The following TMPRSS6 variants were observed in gnomAD, a reference collection of about 807,000 sequenced individuals.
TMPRSS6 encodes transmembrane serine protease 6.
A neutral mutation model predicts 101.5 loss-of-function variants in TMPRSS6; 67 were observed. The observed-to-expected ratio is 0.66, with a 90% CI of 0.54 to 0.81. The LOEUF (loss-of-function observed/expected upper bound fraction) is 0.81. Among genes scored for constraint, TMPRSS6 ranks in the 30% least tolerant of loss-of-function variants. TMPRSS6 has a pLI of 0.00. For synonymous variants in TMPRSS6, 453 were observed against 464.9 expected, an observed-to-expected ratio of 0.97 and a Z score of 0.33; for missense variants, 1,034 against 1,088.7, an observed-to-expected ratio of 0.95 and a Z score of 0.71.
chr22:37,084,906 T>C, intron 8 of TMPRSS6, 67 bp from the exon 9 acceptor site: 1 of 1,249,040 alleles, frequency 8.0e-7, no homozygotes. Context: ...CTGGCGCAGC[T>C]TGTAACCCCA....
chr22:37,098,646 A>C, intron 2 of TMPRSS6, 97 bp from the exon 3 acceptor site: 4 of 1,560,720 alleles, frequency 2.6e-6, no homozygotes, highest in Non-Finnish European at 3.5e-6. Flanking sequence ...CCCTCAGCTC[A>C]GCCTCAGTGT....
At chr22:37,106,275 T>G (rs1930709445) in intron 1 of TMPRSS6, among the ~76,000 whole-genome samples, 2 of 151,752 alleles carry the variant, frequency 1.3e-5, no homozygotes, top group South Asian at 4.2e-4. Flanking sequence ...CCCTACTACC[T>G]CTCAGATAAT....
Position 37,103,944 on chromosome 22 carries a change from T to A in TMPRSS6, c.-1-526A>T, listed in dbSNP as rs996377406. ...CTGGCACTGCGCTGGGCCGGGGACC[T>A]GCCTTCCTTCACAGAGTACCGTCTC... On this transcript the variant is annotated intron_variant, in intron 1 of 17. Transcript: ENST00000676104. This position sits in a 1 kb window ranked among gnomAD's most constrained non-coding sequence, Gnocchi z 4.4. 6.6e-6 allele frequency among the ~76,000 whole-genome samples: 1 copy of A among 152,206 alleles called. No individual in the cohort carries two copies. Among genetic ancestry groups the A allele is most frequent in the Non-Finnish European group, 1.5e-5 (1 of 68,018 alleles).
At position 37,070,995 on chromosome 22, in the gene TMPRSS6, G is replaced by A. The variant is rs1435449689; in HGVS notation, c.1593C>T (p.Asp531=). 6.2e-7 allele frequency: 1 copy of A among 1,613,068 alleles called. No homozygotes were observed. Among genetic ancestry groups the A allele is most frequent in the Non-Finnish European group, 8.5e-7 (1 of 1,179,908 alleles). ...PCGTFTFQCE[D]RSCVKKPNPQ... ...GGTTGGGCTTCTTCACGCAGCTCCG[G>A]TCCTCACACTGGAAGGTGAATGTCC... The change falls in exon 14 of 18, where the codon GAC becomes GAT. Residue 531 remains aspartate (D), a synonymous_variant. Coordinates refer to ENST00000676104, the MANE Select transcript of TMPRSS6 (RefSeq NM_001374504.1).
In TMPRSS6 at chr22:37,096,080, G is replaced by A; in HGVS notation, c.415C>T (p.Leu139Phe). The change falls in exon 5 of 18, where the codon CTC (leucine) becomes TTC (phenylalanine). Residue 139 changes from leucine (L) to phenylalanine (F), a missense_variant. Transcript: ENST00000676104. ...SSVYSFGEGP[L>F]TCFFWFILQI... The stretch of plus-strand genomic sequence containing the variant: ...AGAATGAACCAGAAGAAGCAGGTGA[G>A]GGGTCCCTCCCTAAGGCAGGCAGAA... 1 of 1,614,180 alleles carries A rather than the reference G, an allele frequency of 6.2e-7. No homozygotes were observed. Among genetic ancestry groups the A allele is most frequent in the Non-Finnish European group, 8.5e-7 (1 of 1,180,042 alleles).
At chr22:37,073,389 TGGATGAATGGACA>T in intron 13 of TMPRSS6, 130 bp downstream of exon 13, 1 of 619,824 alleles carries the variant, frequency 1.6e-6, no homozygotes, top group South Asian at 1.8e-5. Context: ...GATGGATGGA[TGGATGAATGGACA>T]GACATACAGA....
chr22:37,072,765 A>G (rs1368597548), intron 13 of TMPRSS6, among the ~76,000 whole-genome samples: 1 of 131,152 alleles, frequency 7.6e-6, no homozygotes, highest in African/African-American at 2.9e-5. Context: ...GGATAGATGG[A>G]TGATGGATGG....
Position 37,089,630 on chromosome 22 carries a change from G to C in TMPRSS6, c.784C>G (p.Arg262Gly). The C allele has an allele frequency of 2.5e-6, 4 of 1,612,364 alleles. No homozygotes were observed. Among genetic ancestry groups the C allele is most frequent in the Non-Finnish European group, 3.4e-6 (4 of 1,179,532 alleles). Reference protein sequence around the residue: ...LEWTLAECRDRLAMYDVAGPL... With the variant: ...LEWTLAECRDGLAMYDVAGPL... Reference sequence around the variant, plus strand: ...CCGGCCACGTCATACATGGCCAGTCGGTCCCGGCACTCTGCCAGCGTCCAC... The same window carrying C: ...CCGGCCACGTCATACATGGCCAGTCCGTCCCGGCACTCTGCCAGCGTCCAC... Residue 262 changes from arginine to glycine, a missense_variant, in exon 7 of 18, where the codon CGA (arginine) becomes GGA (glycine). Coordinates refer to ENST00000676104, the MANE Select transcript of TMPRSS6 (RefSeq NM_001374504.1).
chr22:37,095,210 T>C (rs1388934529), intron 6 of TMPRSS6, among the ~76,000 whole-genome samples: 1 of 152,104 alleles, frequency 6.6e-6, no homozygotes, highest in African/African-American at 2.4e-5. Flanking sequence ...CTACCATCAG[T>C]GGAAACTAGC....
At chr22:37,107,524 G>A (rs964127873) in intron 1 of TMPRSS6, among the ~76,000 whole-genome samples, 52 of 137,000 alleles carry the variant, frequency 3.8e-4, no homozygotes, top group East Asian at 1.5e-3. Context: ...CCAGGCCACC[G>A]TCATCTGTCA....
In TMPRSS6 at chr22:37,070,570, G is replaced by A. The variant is rs1926798062; in HGVS notation, c.1755C>T (p.Leu585=). ...CACAGATGTGTCGACCCCGAACCTGGAGGCTGGCCTGCCATGGCCACTCAC... is the reference window on the plus strand; with the variant it reads ...CACAGATGTGTCGACCCCGAACCTGAAGGCTGGCCTGCCATGGCCACTCAC... ...SEGEWPWQAS[L]QVRGRHICGG... is the part of the protein sequence containing the mutation. Residue 585 remains leucine, a synonymous_variant, in exon 15 of 18, where the codon CTC becomes CTT. Coordinates refer to ENST00000676104, the MANE Select transcript of TMPRSS6 (RefSeq NM_001374504.1). 1 of 1,613,266 alleles carries A rather than the reference G, an allele frequency of 6.2e-7. No individual in the cohort carries two copies. Among genetic ancestry groups the A allele is most frequent in the Non-Finnish European group, 8.5e-7 (1 of 1,180,026 alleles).
intron 9 of TMPRSS6, 130 bp downstream of exon 9, chr22:37,084,597 T>C: frequency 1.1e-6 from 1 of 876,982 alleles, no homozygotes; most frequent in Non-Finnish European, 1.8e-6. Context: ...CCTGGCAGGA[T>C]GTGTACCCAG....
intron 10 of TMPRSS6, chr22:37,082,869 T>G: frequency 2.3e-6 from 1 of 428,182 alleles, no homozygotes; most frequent in Non-Finnish European, 4.7e-6. Flanking sequence ...TCCTTTCTTT[T>G]AATCCTAGTC....
Position 37,066,150 on chromosome 22 carries a change from C to G in TMPRSS6, c.2339G>C (p.Arg780Pro), listed in dbSNP as rs371014130. 6.2e-7 allele frequency: 1 copy of G among 1,613,164 alleles called. No individual in the cohort carries two copies. The part of the protein sequence containing the change: ...GLVSWGLGCG[R>P]PNYFGVYTRI... ...GGTGTAGACGCCGAAGTAGTTAGGC[C>G]GGCCACAGCCCAGGCCCCAGCTGAC... is the stretch of plus-strand genomic sequence containing the variant. Residue 780 changes from arginine to proline, a missense_variant, in exon 18 of 18, where the codon CGG (arginine) becomes CCG (proline). By Grantham distance (103) the Arg-to-Pro change is moderately radical (BLOSUM62 -2). Transcript: ENST00000676104.
At chr22:37,071,537 T>G (rs938131670) in intron 13 of TMPRSS6, among the ~76,000 whole-genome samples, 3 of 152,252 alleles carry the variant, frequency 2.0e-5, no homozygotes, top group African/African-American at 7.2e-5. Flanking sequence ...AAGCTTTTCA[T>G]GTCTGACCTC....
intron 13 of TMPRSS6, 104 bp downstream of exon 13, chr22:37,073,428 G>A (rs1313330305): frequency 1.4e-6 from 1 of 716,408 alleles, no homozygotes; most frequent in Non-Finnish European, 2.6e-6. Context: ...ATACAGAGGG[G>A]TTGGTGGGTG....
Position 37,084,742 on chromosome 22 carries a change from G to A in TMPRSS6, c.1071C>T (p.Cys357=), listed in dbSNP as rs748764369. 3.8e-6 allele frequency: 6 copies of A among 1,563,744 alleles called. No individual in the cohort carries two copies. The highest frequency in any genetic ancestry group is 5.2e-6 in the Non-Finnish European group (6 of 1,153,876). ...FPSYYSPQTH[C]SWHLTVPSLD... ...GGGGTCTCACCGTGAGGTGCCAGGA[G>A]CAGTGGGTTTGGGGCGAGTAGTAGC... The change falls in exon 9 of 18, where the codon TGC becomes TGT. Residue 357 remains cysteine (C), a synonymous_variant. Coordinates refer to ENST00000676104, the MANE Select transcript of TMPRSS6 (RefSeq NM_001374504.1).
chr22:37,089,193 G>A (rs1289636238), intron 7 of TMPRSS6, among the ~76,000 whole-genome samples: 1 of 152,156 alleles, frequency 6.6e-6, no homozygotes, highest in Non-Finnish European at 1.5e-5. Context: ...CCAGAAGCCT[G>A]GGAAGCAGAG....
At chr22:37,080,980 G>C (rs1384527688) in intron 10 of TMPRSS6, among the ~76,000 whole-genome samples, 1 of 152,270 alleles carries the variant, frequency 6.6e-6, no homozygotes, top group Non-Finnish European at 1.5e-5. Context: ...ACATGCATCT[G>C]TGCACCCACG....
Sources: allele counts gnomAD v4.1 joint callset (sites outside exome capture counted in the v4.1 genomes callset), GRCh38; gene constraint gnomAD v4.1.1; non-coding constraint Gnocchi (gnomAD v3.1); transcripts MANE v1.5; gene names NCBI Gene and HGNC (gene_info 2026-07-23, HGNC 2026-07-21).